The following RIPOR2 variants were observed in gnomAD, a reference collection of about 807,000 sequenced individuals.
RIPOR2 encodes RHO family interacting cell polarization regulator 2, also known as rho family-interacting cell polarization regulator 2.
RIPOR2 carries 39 observed loss-of-function variants against 114.5 expected under a neutral mutation model. The ratio of observed to expected loss-of-function variants is 0.34; its 90% confidence interval spans 0.26 to 0.44. The LOEUF is 0.44. Ranked by LOEUF, RIPOR2 falls within the 20% of genes least tolerant of loss-of-function variation. RIPOR2 has a pLI of 1.00. For synonymous variants in RIPOR2, 445 were observed against 484.4 expected (o/e 0.92, Z 1.07); for missense variants, 1,007 against 1,255.1 (o/e 0.80, Z 2.99).
rs1480215904 is a variant in RIPOR2, at chr6:24,805,495, C to T, written c.*878G>A. The T allele has an allele frequency of 2.6e-5, 4 of 151,698 alleles. No homozygotes were observed. Among genetic ancestry groups the T allele is most frequent in the African/African-American group, 9.7e-5 (4 of 41,278 alleles). 9.4% of individuals were successfully genotyped at this position (151,698 alleles called of 1,614,324 possible). ...TGCAACCTCTGCCTCAAGTGATCCT[C>T]CCACCTCAGACTCCAGAGTAGCTGG... On this transcript the variant is annotated 3_prime_UTR_variant, in exon 22 of 22. Coordinates refer to ENST00000643898, the MANE Select transcript of RIPOR2 (RefSeq NM_001286445.3).
At chr6:24,818,517 G>A (rs1759379692) in intron 20 of RIPOR2, 25 bp downstream of exon 20, 1 of 1,482,652 alleles carries the variant, frequency 6.7e-7, no homozygotes, top group Admixed American at 2.0e-5. Flanking sequence ...TGAGCTGCCA[G>A]GGGAGCTCCA....
chr6:25,016,853 T>C (rs1311682840), intron 1 of RIPOR2, among the ~76,000 whole-genome samples: 1 of 152,250 alleles, frequency 6.6e-6, no homozygotes, highest in African/African-American at 2.4e-5. Flanking sequence ...GAATAAAACC[T>C]AGGGAGAAAG....
intron 1 of RIPOR2, among the ~76,000 whole-genome samples, chr6:24,904,204 G>A (rs1446732842): frequency 1.3e-5 from 2 of 152,218 alleles, no homozygotes; most frequent in Admixed American, 1.3e-4. Flanking sequence ...CAGTTCTGGA[G>A]GACAGAAGTC....
chr6:25,020,591 A>G (rs1255316231), intron 1 of RIPOR2, among the ~76,000 whole-genome samples: 3 of 152,192 alleles, frequency 2.0e-5, no homozygotes, highest in South Asian at 2.1e-4. Context: ...GATACTGGCA[A>G]TTTCTGATTT....
chr6:24,855,740 G>C (rs1048433494), intron 8 of RIPOR2, among the ~76,000 whole-genome samples: 1 of 152,156 alleles, frequency 6.6e-6, no homozygotes, highest in South Asian at 2.1e-4. Flanking sequence ...CTGTTAGTAC[G>C]CTGGAGACTC....
chr6:24,946,129 C>G (rs1220497114), intron 1 of RIPOR2, among the ~76,000 whole-genome samples: 1 of 151,576 alleles, frequency 6.6e-6, no homozygotes, highest in Non-Finnish European at 1.5e-5. Context: ...GTTGCCCAGG[C>G]TGGAGTGCAG....
At chr6:24,845,792 C>A (rs1184603435) in intron 12 of RIPOR2, among the ~76,000 whole-genome samples, 1 of 152,112 alleles carries the variant, frequency 6.6e-6, no homozygotes, top group East Asian at 1.9e-4. Flanking sequence ...TGTGAAAGAG[C>A]CAATCCTGGA....
intron 1 of RIPOR2, among the ~76,000 whole-genome samples, chr6:24,988,603 C>T (rs1259524159): frequency 6.6e-6 from 1 of 152,174 alleles, no homozygotes; most frequent in Non-Finnish European, 1.5e-5. Flanking sequence ...GTCAAGAAAA[C>T]TCAAAGAATA....
intron 13 of RIPOR2, 64 bp from the exon 14 acceptor site, chr6:24,839,336 A>G: frequency 6.7e-7 from 1 of 1,483,030 alleles, no homozygotes; most frequent in Non-Finnish European, 9.0e-7. Context: ...CAGACACACG[A>G]TGCTCAATTG....
intron 21 of RIPOR2, among the ~76,000 whole-genome samples, chr6:24,808,853 G>A (rs145477769): frequency 0.023 from 3,458 of 150,616 alleles, 124 homozygotes; most frequent in African/African-American, 0.074. Flanking sequence ...TCCGTTTCCT[G>A]GGTTCAAGTG....
At chr6:25,014,870 G>T (rs901979259) in intron 1 of RIPOR2, 2 of 152,134 alleles carry the variant, frequency 1.3e-5, no homozygotes, top group African/African-American at 4.8e-5. Flanking sequence ...AGGGCCCGAG[G>T]GATCATTCAG....
chr6:24,926,558 A>G (rs1217180661), intron 1 of RIPOR2, among the ~76,000 whole-genome samples: 1 of 152,206 alleles, frequency 6.6e-6, no homozygotes, highest in Non-Finnish European at 1.5e-5. Context: ...CTAATTCATG[A>G]GCCAGAGGTA....
At position 24,825,539 on chromosome 6, in the gene RIPOR2, A is replaced by G; in HGVS notation, c.2666-111T>C. 8.3e-6 allele frequency: 6 copies of G among 720,098 alleles called. No homozygotes were observed. The South Asian group carries it at 1.1e-4, about 13-fold the overall frequency. The allele number at this position is 720,098 out of a possible 1,614,324, so 44.6% of individuals were successfully genotyped here. A position where few individuals can be genotyped will look rare whatever the true frequency, so the allele number is the denominator to read the frequency against. ...TAAGAAAGTATAGTATAGTAACTCC[A>G]ATACATATGAAAAATTAGCATCTGA... is the stretch of plus-strand genomic sequence containing the variant. On this transcript the variant is annotated intron_variant, in intron 18 of 21. Transcript: ENST00000643898.
chr6:24,875,449 T>G (rs1252590368), intron 2 of RIPOR2, among the ~76,000 whole-genome samples: 1 of 152,242 alleles, frequency 6.6e-6, no homozygotes, highest in Non-Finnish European at 1.5e-5. Flanking sequence ...GTGAGAGGTC[T>G]ATGCATATAT....
chr6:24,847,639 G>A, intron 12 of RIPOR2: 1 of 1,551,558 alleles, frequency 6.4e-7, no homozygotes, highest in Middle Eastern at 1.7e-4. Flanking sequence ...GTCTTGCAAG[G>A]CACTCAAGAC....
At chr6:25,041,979 T>G (rs1360398615) in exon 1 of RIPOR2, 10 of 667,152 alleles carry the variant, frequency 1.5e-5, no homozygotes, top group Non-Finnish European at 2.7e-5. Context: ...CAAAAGGGTC[T>G]TGCAGCTATC....
chr6:24,861,144 T>C (rs1764034492), intron 7 of RIPOR2, 108 bp from the exon 8 acceptor site: 1 of 697,202 alleles, frequency 1.4e-6, no homozygotes, highest in South Asian at 1.7e-5. Flanking sequence ...ACGAGAAGCA[T>C]TTACCTGTTT....
rs62636128 is a variant in RIPOR2 at position 24,927,284 on chromosome 6, C to T, written c.61+8554G>A. ...ACCACCACAGCTACAATCACCACCACCACCACCACCACCACCACCACAACT... is the reference window on the plus strand; with the variant it reads ...ACCACCACAGCTACAATCACCACCATCACCACCACCACCACCACCACAACT... On this transcript the variant is annotated intron_variant, in intron 1 of 21. Coordinates refer to ENST00000643898, the MANE Select transcript of RIPOR2 (RefSeq NM_001286445.3). Among the ~76,000 whole-genome samples, 18 of 34,610 alleles carry T rather than the reference C, an allele frequency of 5.2e-4. 1 individual carries two copies. Among genetic ancestry groups the T allele is most frequent in the African/African-American group, 1.2e-3 (7 of 6,032 alleles). The allele number at this position is 34,610 out of a possible 152,430, so 22.7% of individuals were successfully genotyped here.
chr6:25,039,174 T>C (rs558315144), intron 1 of RIPOR2, among the ~76,000 whole-genome samples: 11 of 152,362 alleles, frequency 7.2e-5, no homozygotes, highest in African/African-American at 2.6e-4. Flanking sequence ...CAGGAAACGT[T>C]ATCAAAGCAG....
Sources: gnomAD v4.1 joint callset for allele counts (sites outside exome capture counted in the v4.1 genomes callset) on GRCh38, gnomAD v4.1.1 for gene constraint, MANE v1.5 for transcripts, NCBI Gene and HGNC (gene_info 2026-07-23, HGNC 2026-07-21) for gene names.